The following GSG1L variants were observed in gnomAD, a reference collection of about 807,000 sequenced individuals.
GSG1L encodes the protein GSG1 like, also known as germ cell-specific gene 1-like protein.
Under a neutral mutation model 42.1 loss-of-function variants are expected in GSG1L, and 24 were observed. The ratio of observed to expected loss-of-function variants is 0.57; its 90% CI spans 0.41 to 0.80. The LOEUF (loss-of-function observed/expected upper bound fraction) is 0.80, where lower values mean the gene tolerates loss of function less well. Among genes scored for constraint, GSG1L ranks in the 30% least tolerant of loss-of-function variants. GSG1L has a pLI of 0.00. For missense variants in GSG1L, 445 were observed against 472.2 expected, an observed-to-expected ratio of 0.94 and a Z score of 0.53; for synonymous variants, 215 against 203.5, an observed-to-expected ratio of 1.06 and a Z score of -0.48.
intron 1 of GSG1L, among the ~76,000 whole-genome samples, chr16:28,038,597 C>T (rs2086067973): frequency 1.3e-5 from 2 of 152,066 alleles, no homozygotes; most frequent in African/African-American, 4.8e-5. Flanking sequence ...AGTCTGTCTC[C>T]ATGGTTACCC....
chr16:27,835,475 G>A (rs1214916949), intron 4 of GSG1L, among the ~76,000 whole-genome samples: 1 of 151,922 alleles, frequency 6.6e-6, no homozygotes, highest in Non-Finnish European at 1.5e-5. Flanking sequence ...ACTTTTAATT[G>A]GTGTATTTAA....
chr16:27,927,039 C>G (rs745569390), intron 2 of GSG1L, among the ~76,000 whole-genome samples: 1 of 152,204 alleles, frequency 6.6e-6, no homozygotes, highest in Non-Finnish European at 1.5e-5. Context: ...TCCCTCCACC[C>G]TTGCTCACCC....
chr16:27,804,098 CAG>C (rs148259449), intron 6 of GSG1L, among the ~76,000 whole-genome samples: 65 of 144,256 alleles, frequency 4.5e-4, no homozygotes, highest in Admixed American at 5.5e-4. Context: ...TAGGGAGGGA[CAG>C]AGAGAGAGAG....
intron 1 of GSG1L, among the ~76,000 whole-genome samples, chr16:28,043,517 C>T (rs1048391105): frequency 1.1e-4 from 17 of 152,298 alleles, no homozygotes; most frequent in African/African-American, 3.1e-4. Flanking sequence ...GAAAGCAATT[C>T]CATAAATAAG....
Position 27,791,363 on chromosome 16 carries a change from G to A in GSG1L, c.*7C>T, listed in dbSNP as rs935975049. The A allele has an allele frequency of 1.4e-6, 2 of 1,401,982 alleles. No individual in the cohort carries two copies. The highest frequency in any genetic ancestry group is 3.0e-5 in the African/African-American group (2 of 67,684). The allele number at this position is 1,401,982 out of a possible 1,614,324, so 86.8% of individuals were successfully genotyped here. On this transcript the variant is annotated 3_prime_UTR_variant, in exon 7 of 7. Transcript: ENST00000447459. ...CCTGAGGTCCGCGGGCCAGGTTGAG[G>A]TCTTGGTCACACCCAGTGCCCCAAG...
chr16:27,816,950 G>A lies in GSG1L; in HGVS notation c.831-9396C>T, dbSNP rs542823007. Among the ~76,000 whole-genome samples the A allele has an allele frequency of 7.9e-5, 12 of 152,326 alleles. No individual in the cohort carries two copies. In the South Asian group the frequency reaches 2.1e-3, roughly 26 times the overall value. On this transcript the variant is annotated intron_variant, in intron 5 of 6. Coordinates refer to ENST00000447459, the MANE Select transcript of GSG1L (RefSeq NM_001109763.2). ...TGGCTCTGCCAGAACTGCTGCAGAG[G>A]TGTTGGAGGTGACTGTGCCATGTCA...
chr16:28,016,582 A>T (rs1394264113), intron 1 of GSG1L, among the ~76,000 whole-genome samples: 1 of 152,150 alleles, frequency 6.6e-6, no homozygotes, highest in Non-Finnish European at 1.5e-5. Flanking sequence ...GACTTTACAG[A>T]TCATGAGGTT....
intron 2 of GSG1L, among the ~76,000 whole-genome samples, chr16:27,936,985 A>G (rs935564803): frequency 7.2e-5 from 11 of 152,148 alleles, no homozygotes; most frequent in African/African-American, 2.7e-4. Context: ...CTCTTCCTAG[A>G]GGTTTTTGCC....
intron 2 of GSG1L, among the ~76,000 whole-genome samples, chr16:27,936,876 A>C (rs1407898323): frequency 6.6e-6 from 1 of 152,204 alleles, no homozygotes; most frequent in Admixed American, 6.5e-5. Context: ...AGCTCATTTA[A>C]TTCAAAATAA....
intron 1 of GSG1L, among the ~76,000 whole-genome samples, chr16:28,048,725 G>T (rs866135263): frequency 1.3e-5 from 2 of 152,312 alleles, no homozygotes; most frequent in East Asian, 3.9e-4. Context: ...ATAGGATATG[G>T]CTAAAGTGGT....
intron 3 of GSG1L, among the ~76,000 whole-genome samples, chr16:27,880,806 C>T (rs796101779): frequency 1.1e-4 from 17 of 152,130 alleles, no homozygotes; most frequent in African/African-American, 4.1e-4. Flanking sequence ...GGAAGAGCTA[C>T]ATGCTTGGAA....
chr16:27,993,613 C>T lies in GSG1L; in HGVS notation c.350-30410G>A, dbSNP rs565546331. On this transcript the variant is annotated intron_variant, in intron 1 of 6. Coordinates refer to ENST00000447459, the MANE Select transcript of GSG1L (RefSeq NM_001109763.2). The stretch of plus-strand genomic sequence containing the variant: ...AAAGCCCCTGTGCCATGGCATTAAA[C>T]TTTCCAGTGGTGTAAGTGAGAGAGG... Among the ~76,000 whole-genome samples the T allele has an allele frequency of 8.5e-5, 13 of 152,248 alleles. No individual in the cohort carries two copies. The South Asian group carries it at 2.7e-3, about 32-fold the overall frequency.
chr16:27,956,878 T>C (rs780145834), intron 2 of GSG1L, among the ~76,000 whole-genome samples: 21 of 152,090 alleles, frequency 1.4e-4, no homozygotes, highest in Non-Finnish European at 2.9e-4. Flanking sequence ...TACATAACAT[T>C]ATTGTTGGTC....
intron 1 of GSG1L, among the ~76,000 whole-genome samples, chr16:27,984,905 G>A (rs1022361347): frequency 1.3e-5 from 2 of 151,848 alleles, no homozygotes; most frequent in South Asian, 4.2e-4. Context: ...TTACAGGCGC[G>A]AGCCACCACG....
At position 27,833,047 on chromosome 16, in the gene GSG1L, A is replaced by C. The variant is rs1445744251; in HGVS notation, c.663-4091T>G. On this transcript the variant is annotated intron_variant, in intron 4 of 6. Coordinates refer to ENST00000447459, the MANE Select transcript of GSG1L (RefSeq NM_001109763.2). The stretch of plus-strand genomic sequence containing the variant: ...ACTTTTTGCCTAGCCCTAGATTCCA[A>C]AGATTTTCTCTTACTTTTCTAAAAG... Among the ~76,000 whole-genome samples, 15 of 152,200 alleles carry C rather than the reference A, an allele frequency of 9.9e-5. 1 individual carries two copies.
intron 2 of GSG1L, among the ~76,000 whole-genome samples, chr16:27,898,421 A>T (rs2084216714): frequency 7.2e-6 from 1 of 139,438 alleles, no homozygotes; most frequent in Non-Finnish European, 1.5e-5. Context: ...CCCATCTCTA[A>T]AAGGGGGCTG....
intron 2 of GSG1L, among the ~76,000 whole-genome samples, chr16:27,917,065 C>CT (rs1567517786): frequency 6.6e-6 from 1 of 152,166 alleles, no homozygotes; most frequent in Admixed American, 6.5e-5. Flanking sequence ...TTGCTTCGTG[C>CT]TTTTTTTCTG....
At chr16:27,966,743 G>A (rs947414140) in intron 1 of GSG1L, among the ~76,000 whole-genome samples, 4 of 152,110 alleles carry the variant, frequency 2.6e-5, no homozygotes, top group African/African-American at 9.7e-5. Flanking sequence ...GGGGGCGCAC[G>A]CTGGACCTAT....
chr16:27,964,630 G>A (rs190002608), intron 1 of GSG1L, among the ~76,000 whole-genome samples: 9 of 152,324 alleles, frequency 5.9e-5, no homozygotes, highest in Admixed American at 1.3e-4. Flanking sequence ...CCACATGGAT[G>A]GAATCGGAAG....
Sources: allele counts gnomAD v4.1 joint callset (sites outside exome capture counted in the v4.1 genomes callset), GRCh38; gene constraint gnomAD v4.1.1; transcripts MANE v1.5; gene names NCBI Gene and HGNC (gene_info 2026-07-23, HGNC 2026-07-21).